CDC14A: variants seen among roughly 807,000 people sequenced by gnomAD.
CDC14A encodes the protein dual specificity protein phosphatase CDC14A.
Under a neutral mutation model 74.4 loss-of-function variants are expected in CDC14A, and 53 were observed. The observed-to-expected ratio is 0.71, with a 90% CI of 0.57 to 0.89. The LOEUF (loss-of-function observed/expected upper bound fraction) is 0.89. CDC14A is among the 40% of genes least tolerant of loss of function. CDC14A has a pLI of 0.00. For synonymous variants in CDC14A, 247 were observed against 258.4 expected, an observed-to-expected ratio of 0.96 and a Z score of 0.43; for missense variants, 646 against 713.7, an observed-to-expected ratio of 0.91 and a Z score of 1.08.
intron 10 of CDC14A, among the ~76,000 whole-genome samples, chr1:100,478,195 T>C (rs1669111199): frequency 6.6e-6 from 1 of 152,210 alleles, no homozygotes; most frequent in Admixed American, 6.5e-5. Flanking sequence ...TCAAGGTTCT[T>C]AAAATGATGT....
intron 3 of CDC14A, among the ~76,000 whole-genome samples, chr1:100,389,936 T>C (rs1338820552): frequency 6.6e-6 from 1 of 152,228 alleles, no homozygotes; most frequent in Non-Finnish European, 1.5e-5. Flanking sequence ...TTACATTGTG[T>C]TCTCATTGTC....
intron 11 of CDC14A, among the ~76,000 whole-genome samples, chr1:100,491,720 C>T (rs1670720254): frequency 6.7e-6 from 1 of 150,086 alleles, no homozygotes; most frequent in Admixed American, 6.6e-5. Context: ...TACAGGCACG[C>T]ACCACCACAT....
At chr1:100,407,529 AGT>A (rs1660114007) in intron 4 of CDC14A, among the ~76,000 whole-genome samples, 1 of 152,052 alleles carries the variant, frequency 6.6e-6, no homozygotes, top group African/African-American at 2.4e-5. Context: ...TAGGAATGCT[AGT>A]GATTTTTGCA....
At chr1:100,352,451 G>GGGAGGA, upstream of CDC14A, 1 of 1,010,090 alleles carries the variant, frequency 9.9e-7, no homozygotes, top group Non-Finnish European at 1.2e-6. Context: ...CGGACCCAGG[G>GGGAGGA]GGAGGAGGAG....
chr1:100,368,863 A>G (rs1374750355), intron 2 of CDC14A, among the ~76,000 whole-genome samples: 1 of 152,152 alleles, frequency 6.6e-6, no homozygotes, highest in Non-Finnish European at 1.5e-5. Flanking sequence ...CTATTCCTGC[A>G]TTAATTCTTT....
chr1:100,463,008 C>T, intron 9 of CDC14A, 127 bp downstream of exon 9: 1 of 671,338 alleles, frequency 1.5e-6, no homozygotes. Context: ...TTTCAGACAA[C>T]TGGGACACAA....
chr1:100,413,639 A>T (rs1214729078), intron 4 of CDC14A, among the ~76,000 whole-genome samples: 1 of 152,198 alleles, frequency 6.6e-6, no homozygotes, highest in African/African-American at 2.4e-5. Flanking sequence ...GTTTGGTTCC[A>T]TCCCTGGCAA....
chr1:100,475,312 T>G (rs1668779731), intron 10 of CDC14A, among the ~76,000 whole-genome samples: 1 of 152,206 alleles, frequency 6.6e-6, no homozygotes, highest in Non-Finnish European at 1.5e-5. Flanking sequence ...TCATGTGTCT[T>G]TGTAATTGTT....
intron 10 of CDC14A, among the ~76,000 whole-genome samples, chr1:100,469,829 C>T (rs969798496): frequency 6.6e-6 from 1 of 152,132 alleles, no homozygotes; most frequent in African/African-American, 2.4e-5. Flanking sequence ...TGCATACTCC[C>T]TCCAACCTCC....
intron 2 of CDC14A, among the ~76,000 whole-genome samples, chr1:100,374,305 C>A (rs1002928955): frequency 5.3e-5 from 8 of 152,214 alleles, no homozygotes; most frequent in African/African-American, 1.9e-4. Flanking sequence ...ATTTATAGTC[C>A]TTTGGGTATA....
At chr1:100,416,739 G>C (rs2101057033) in intron 4 of CDC14A, among the ~76,000 whole-genome samples, 1 of 152,260 alleles carries the variant, frequency 6.6e-6, no homozygotes, top group East Asian at 1.9e-4. Flanking sequence ...CTGTAGAAGA[G>C]CTATGTGCTA....
At chr1:100,420,059 C>CAT (rs1324396801) in intron 4 of CDC14A, among the ~76,000 whole-genome samples, 72 of 24,298 alleles carry the variant, frequency 3.0e-3, no homozygotes, top group South Asian at 0.024. Context: ...CACACACACA[C>CAT]ACACATATAT....
chr1:100,496,187 G>A (rs1647762294), intron 13 of CDC14A, 138 bp downstream of exon 13: 2 of 656,176 alleles, frequency 3.0e-6, no homozygotes, highest in Admixed American at 2.8e-5. Context: ...CTTCCATATT[G>A]TTTATGCCTT....
At chr1:100,371,819 A>G (rs888906438) in intron 2 of CDC14A, among the ~76,000 whole-genome samples, 2 of 152,232 alleles carry the variant, frequency 1.3e-5, no homozygotes, top group African/African-American at 4.8e-5. Context: ...CAATATTCAT[A>G]TACAAGTAGA....
intron 3 of CDC14A, among the ~76,000 whole-genome samples, chr1:100,388,298 AC>A (rs1657155287): frequency 6.6e-6 from 1 of 152,228 alleles, no homozygotes; most frequent in Non-Finnish European, 1.5e-5. Flanking sequence ...TTGATGGGGA[AC>A]AAATAAGTGG....
At chr1:100,500,626 A>G (rs12407900) in intron 15 of CDC14A, among the ~76,000 whole-genome samples, 141,883 of 151,632 alleles carry the variant, frequency 0.94, 66,921 homozygotes, top group Non-Finnish European at 1. Flanking sequence ...GCGTGGTGGC[A>G]CGCACCTGTA....
At chr1:100,405,607 C>A (rs1338032092) in intron 4 of CDC14A, among the ~76,000 whole-genome samples, 1 of 152,234 alleles carries the variant, frequency 6.6e-6, no homozygotes, top group Non-Finnish European at 1.5e-5. Context: ...TTAGCTCCCA[C>A]TTATGAGTGA....
intron 15 of CDC14A, among the ~76,000 whole-genome samples, chr1:100,501,334 A>G (rs1225491723): frequency 4.6e-5 from 7 of 152,294 alleles, no homozygotes; most frequent in African/African-American, 1.7e-4. Context: ...CTAGAGATAT[A>G]TAGATAATCA....
intron 2 of CDC14A, among the ~76,000 whole-genome samples, chr1:100,372,564 G>GA (rs1654631239): frequency 6.6e-6 from 1 of 152,196 alleles, no homozygotes; most frequent in African/African-American, 2.4e-5. Flanking sequence ...GTGTGAGCAT[G>GA]ATAAAGTTGA....
Sources: allele counts gnomAD v4.1 joint callset (sites outside exome capture counted in the v4.1 genomes callset), GRCh38; gene constraint gnomAD v4.1.1; transcripts MANE v1.5; gene names NCBI Gene and HGNC (gene_info 2026-07-23, HGNC 2026-07-21).